The following FAM178B variants were observed in gnomAD, a reference collection of about 807,000 sequenced individuals.
FAM178B encodes the protein protein FAM178B.
FAM178B carries 82 observed loss-of-function variants against 91.7 expected under a neutral mutation model. That is an observed-to-expected ratio of 0.89 (90% confidence interval 0.75 to 1.07). The LOEUF (loss-of-function observed/expected upper bound fraction) is 1.07, where lower values mean the gene tolerates loss of function less well. Ranked by LOEUF, FAM178B falls within the 50% of genes least tolerant of loss-of-function variation. FAM178B has a pLI of 0.00. For synonymous variants in FAM178B, 368 were observed against 359.4 expected (o/e 1.02, Z -0.27); for missense variants, 769 against 846.7 (o/e 0.91, Z 1.14).
intron 5 of FAM178B, among the ~76,000 whole-genome samples, chr2:96,961,312 G>GGTGTGTGTGT (rs70964889): frequency 7.2e-4 from 106 of 146,842 alleles, no homozygotes; most frequent in Middle Eastern, 3.5e-3. Context: ...AGCAGCAGAG[G>GGTGTGTGTGT]GTGTGTGTGT....
intron 4 of FAM178B, among the ~76,000 whole-genome samples, chr2:96,968,532 C>T (rs983241237): frequency 2.4e-4 from 36 of 152,150 alleles, no homozygotes; most frequent in African/African-American, 8.0e-4. Context: ...TTTCTCTCCA[C>T]CCCAGGCCTG....
intron 15 of FAM178B, 30 bp from the exon 16 acceptor site, chr2:96,878,072 G>T: frequency 6.2e-7 from 1 of 1,601,630 alleles, no homozygotes. Context: ...CCAAGAAGCG[G>T]GTGTAGCACA....
intron 13 of FAM178B, chr2:96,898,056 C>A: frequency 2.0e-6 from 2 of 985,706 alleles, no homozygotes; most frequent in Non-Finnish European, 2.4e-6. Context: ...TCCTGCCCAG[C>A]AGTGCCCTGC....
Position 96,958,697 on chromosome 2 carries a change from TAAAAAAAAAAAAAAAAAAAAAAA to T in FAM178B, c.887+1568_887+1590del, listed in dbSNP as rs55924441. On this transcript the variant is annotated intron_variant, in intron 6 of 16. Transcript: ENST00000490605. ...AGAGTGAGACTCCATCTCAAAATAC[TAAAAAAAAAAAAAAAAAAAAAAA>T]AAAAAAAAAAAAAAAAAAAATTGAA... Among the ~76,000 whole-genome samples the T allele has an allele frequency of 5.0e-3, 278 of 55,548 alleles. 8 individuals carry two copies. The East Asian group carries it at 0.13, about 26-fold the overall frequency. 36.4% of individuals were successfully genotyped at this position (55,548 alleles called of 152,430 possible).
intron 12 of FAM178B, among the ~76,000 whole-genome samples, chr2:96,915,580 G>A (rs2081227999): frequency 6.6e-6 from 1 of 151,754 alleles, no homozygotes; most frequent in Non-Finnish European, 1.5e-5. Flanking sequence ...CACTTTGGGA[G>A]GGCGAGGCGG....
At chr2:96,941,778 C>CG (rs890141069) in intron 8 of FAM178B, among the ~76,000 whole-genome samples, 77 of 152,312 alleles carry the variant, frequency 5.1e-4, no homozygotes, top group African/African-American at 1.8e-3. Context: ...TGGAAAAGAA[C>CG]CTACGCAAGC....
chr2:96,936,076 T>C (rs2081620630), intron 8 of FAM178B, among the ~76,000 whole-genome samples: 1 of 151,878 alleles, frequency 6.6e-6, no homozygotes, highest in Admixed American at 6.6e-5. Flanking sequence ...TGGGTGGGAG[T>C]GGAGAATGAG....
rs775546309 is a variant in FAM178B, at chr2:96,894,040, G to A, written c.1662C>T (p.Leu554=). 1 of 1,610,332 alleles carries A rather than the reference G, an allele frequency of 6.2e-7. No homozygotes were observed. The highest frequency in any genetic ancestry group is 8.5e-7 in the Non-Finnish European group (1 of 1,178,864). ...LWQEKTQLSS[L]SRLLGLMRPS... ...GCCTCATGAGGCCCAGGAGCCGGCT[G>A]AGCGAGGACAGCTGGGGAGGAGAAG... is the stretch of plus-strand genomic sequence containing the variant. Residue 554 remains leucine, a synonymous_variant, in exon 14 of 17, where the codon CTC becomes CTT. Transcript: ENST00000490605.
At chr2:96,965,501 C>A (rs967859985) in intron 5 of FAM178B, among the ~76,000 whole-genome samples, 1 of 151,750 alleles carries the variant, frequency 6.6e-6, no homozygotes, top group Admixed American at 6.6e-5. Flanking sequence ...CTTGCTGTGT[C>A]ACCCAGGCTG....
At chr2:96,943,676 T>A (rs1352061056) in intron 8 of FAM178B, among the ~76,000 whole-genome samples, 3 of 152,214 alleles carry the variant, frequency 2.0e-5, no homozygotes, top group Non-Finnish European at 4.4e-5. Context: ...AAAGCTCCAT[T>A]GTGCCTGCAA....
chr2:96,912,265 G>T (rs868100620), intron 12 of FAM178B, among the ~76,000 whole-genome samples: 3 of 152,100 alleles, frequency 2.0e-5, no homozygotes, highest in South Asian at 4.1e-4. Flanking sequence ...GCCAAGGAAG[G>T]GGCCCAGCCC....
intron 12 of FAM178B, among the ~76,000 whole-genome samples, chr2:96,911,117 A>G (rs4907262): frequency 0.93 from 141,391 of 152,110 alleles, 65,852 homozygotes; most frequent in East Asian, 1. Context: ...TTTGAAATCT[A>G]CCCTCCAGAA....
intron 8 of FAM178B, among the ~76,000 whole-genome samples, chr2:96,946,555 C>T (rs1231665754): frequency 2.6e-5 from 4 of 152,208 alleles, no homozygotes; most frequent in African/African-American, 4.8e-5. Context: ...AGGAGATGCT[C>T]TGGAGTTAGA....
chr2:96,970,315 G>T (rs1425490588), intron 4 of FAM178B, among the ~76,000 whole-genome samples: 2 of 152,176 alleles, frequency 1.3e-5, no homozygotes, highest in Non-Finnish European at 2.9e-5. Context: ...AGAAAGCAGC[G>T]GCAGAAATGT....
chr2:96,947,273 C>T (rs949808176), intron 8 of FAM178B, among the ~76,000 whole-genome samples: 1 of 152,166 alleles, frequency 6.6e-6, no homozygotes, highest in Non-Finnish European at 1.5e-5. Context: ...AAATATACCT[C>T]CTAAATGCCA....
chr2:96,929,573 C>T (rs1439572645), intron 8 of FAM178B, among the ~76,000 whole-genome samples: 1 of 152,258 alleles, frequency 6.6e-6, no homozygotes, highest in Non-Finnish European at 1.5e-5. Context: ...GGGTCAACCA[C>T]TCCCTGACCA....
intron 12 of FAM178B, among the ~76,000 whole-genome samples, chr2:96,909,310 G>A (rs1489764669): frequency 6.6e-6 from 1 of 152,104 alleles, no homozygotes; most frequent in African/African-American, 2.4e-5. Context: ...TCATTTACCG[G>A]ACTAACCAAA....
intron 6 of FAM178B, among the ~76,000 whole-genome samples, chr2:96,958,494 C>G (rs1251059022): frequency 1.3e-5 from 2 of 151,448 alleles, no homozygotes; most frequent in Admixed American, 6.6e-5. Context: ...TCAAGACCAA[C>G]CTGGGCAACA....
intron 12 of FAM178B, among the ~76,000 whole-genome samples, chr2:96,905,694 T>TG (rs993833268): frequency 1.1e-4 from 16 of 149,680 alleles, no homozygotes; most frequent in African/African-American, 3.4e-4. Context: ...CCCAGCACTT[T>TG]GGGAAGCCGA....
Sources: gnomAD v4.1 joint callset for allele counts (sites outside exome capture counted in the v4.1 genomes callset) on GRCh38, gnomAD v4.1.1 for gene constraint, MANE v1.5 for transcripts, NCBI Gene and HGNC (gene_info 2026-07-23, HGNC 2026-07-21) for gene names.